The following MYRFL variants were observed in gnomAD, a reference collection of about 807,000 sequenced individuals.
MYRFL encodes myelin regulatory factor-like protein.
A neutral mutation model predicts 109.4 loss-of-function variants in MYRFL; 88 were observed. The observed-to-expected ratio is 0.80, with a 90% CI of 0.68 to 0.96. The LOEUF (loss-of-function observed/expected upper bound fraction) is 0.96, where lower values mean the gene tolerates loss of function less well. Ranked by LOEUF, MYRFL falls within the 40% of genes least tolerant of loss-of-function variation. The pLI, the probability that MYRFL is intolerant of heterozygous loss-of-function variation, is 0.00. For missense variants in MYRFL, 957 were observed against 954.9 expected (o/e 1.00, Z -0.03); for synonymous variants, 324 against 320.9 (o/e 1.01, Z -0.10).
chr12:69,854,296 C>T (rs1180547358), intron 1 of MYRFL, among the ~76,000 whole-genome samples: 1 of 151,682 alleles, frequency 6.6e-6, no homozygotes, highest in Non-Finnish European at 1.5e-5. Flanking sequence ...ATGGCGGCAG[C>T]ACAGTCCAGC....
intron 13 of MYRFL, among the ~76,000 whole-genome samples, chr12:69,925,270 G>C (rs568735071): frequency 1.3e-5 from 2 of 152,158 alleles, no homozygotes; most frequent in East Asian, 3.8e-4. Flanking sequence ...GATCTGTGTG[G>C]CTGCTCTGGG....
In MYRFL at chr12:69,843,031, GT is replaced by G. The variant is rs527889209; in HGVS notation, c.47-12248del. Among the ~76,000 whole-genome samples, 27 of 152,338 alleles carry G rather than the reference GT, an allele frequency of 1.8e-4. 1 individual carries two copies. The South Asian group carries it at 5.4e-3, about 30-fold the overall frequency. ...TGATTGGTAATATCTCTAAGAAAAT[GT>G]CATCCTTACTTCTCTAACTCTGGAC... On this transcript the variant is annotated intron_variant, in intron 1 of 24. Coordinates refer to ENST00000552032, the MANE Select transcript of MYRFL (RefSeq NM_182530.3).
chr12:69,873,788 T>C (rs1885495796), intron 2 of MYRFL, among the ~76,000 whole-genome samples: 1 of 152,184 alleles, frequency 6.6e-6, no homozygotes, highest in African/African-American at 2.4e-5. Context: ...AGTGAAACCA[T>C]GGATAAGGGA....
intron 5 of MYRFL, among the ~76,000 whole-genome samples, chr12:69,886,174 A>G (rs554853559): frequency 2.6e-5 from 4 of 152,326 alleles, no homozygotes; most frequent in Admixed American, 6.5e-5. Context: ...TAGGGGAACT[A>G]TTGGCTCCTG....
chr12:69,835,307 C>T (rs10879025), intron 1 of MYRFL, among the ~76,000 whole-genome samples: 21,491 of 152,218 alleles, frequency 0.14, 1,821 homozygotes, highest in Middle Eastern at 0.24. Flanking sequence ...AATTCTCTAC[C>T]TCCTTAAAAG....
In MYRFL at chr12:69,922,947, G is replaced by A. The variant is rs74101396; in HGVS notation, c.1603-3624G>A. On this transcript the variant is annotated intron_variant, in intron 13 of 24. Coordinates refer to ENST00000552032, the MANE Select transcript of MYRFL (RefSeq NM_182530.3). ...TTATTATCTGGAATACTTTTTAAAT[G>A]AACTTTCAAATATGTAGATGTTATA... 7.5e-3 allele frequency among the ~76,000 whole-genome samples: 1,135 copies of A among 152,194 alleles called. 8 individuals carry two copies. The highest frequency in any genetic ancestry group is 0.026 in the African/African-American group (1,070 of 41,526).
chr12:69,901,729 G>A (rs1954188558), intron 10 of MYRFL, among the ~76,000 whole-genome samples: 1 of 152,082 alleles, frequency 6.6e-6, no homozygotes, highest in African/African-American at 2.4e-5. Context: ...TTGAGTCAAA[G>A]CCAATTTGCC....
intron 19 of MYRFL, among the ~76,000 whole-genome samples, chr12:69,943,995 C>T (rs1413551448): frequency 2.0e-5 from 3 of 148,392 alleles, no homozygotes; most frequent in African/African-American, 5.0e-5. Flanking sequence ...TACCATCTCA[C>T]ACCAGTTAGA....
chr12:69,935,778 G>A (rs940823545), intron 16 of MYRFL, among the ~76,000 whole-genome samples: 1 of 152,194 alleles, frequency 6.6e-6, no homozygotes, highest in African/African-American at 2.4e-5. Context: ...AGGAGCAGTT[G>A]CCTCCAGCAA....
intron 13 of MYRFL, among the ~76,000 whole-genome samples, chr12:69,920,979 A>T (rs1398811513): frequency 6.6e-6 from 1 of 152,204 alleles, no homozygotes. Flanking sequence ...CTTTTGCTTC[A>T]CAATCTCATT....
At position 69,954,756 on chromosome 12, in the gene MYRFL, T is replaced by A. The variant is rs146563072; in HGVS notation, c.2376-607T>A. 5.8e-3 allele frequency among the ~76,000 whole-genome samples: 888 copies of A among 152,312 alleles called. 14 individuals carry two copies. The highest frequency in any genetic ancestry group is 0.02 in the African/African-American group (823 of 41,580). ...TATGTCTTTTTGCTGGAGTTTTTCGTTACAATACGAATCAAAGGAATTTCC... is the reference window on the plus strand; with the variant it reads ...TATGTCTTTTTGCTGGAGTTTTTCGATACAATACGAATCAAAGGAATTTCC... On this transcript the variant is annotated intron_variant, in intron 21 of 24. Coordinates refer to ENST00000552032, the MANE Select transcript of MYRFL (RefSeq NM_182530.3).
chr12:69,864,550 C>T (rs1406340093), intron 2 of MYRFL, among the ~76,000 whole-genome samples: 4 of 151,620 alleles, frequency 2.6e-5, no homozygotes, highest in Admixed American at 6.6e-5. Context: ...ATTTCTGGTA[C>T]CTGGCTCTTA....
intron 19 of MYRFL, among the ~76,000 whole-genome samples, chr12:69,945,193 A>AC (rs1260140864): frequency 6.6e-6 from 1 of 152,194 alleles, no homozygotes; most frequent in Non-Finnish European, 1.5e-5. Context: ...AGAAAATTTT[A>AC]AAAATAAATT....
chr12:69,827,371 C>T (rs1448916727), intron 1 of MYRFL, among the ~76,000 whole-genome samples: 1 of 151,646 alleles, frequency 6.6e-6, no homozygotes, highest in Non-Finnish European at 1.5e-5. Flanking sequence ...CCAAACGTGA[C>T]TAAATCTTCA....
chr12:69,900,229 A>C (rs558502812), intron 10 of MYRFL, among the ~76,000 whole-genome samples: 1 of 152,324 alleles, frequency 6.6e-6, no homozygotes, highest in South Asian at 2.1e-4. Context: ...AAGATGATAT[A>C]ATAATGCATA....
intron 19 of MYRFL, among the ~76,000 whole-genome samples, chr12:69,949,639 A>G (rs3847774): frequency 0.1 from 14,616 of 144,376 alleles, 983 homozygotes; most frequent in Middle Eastern, 0.2. Context: ...ACATTATGAG[A>G]TTTTTTTTTT....
At chr12:69,827,393 G>A (rs1882350489) in intron 1 of MYRFL, among the ~76,000 whole-genome samples, 1 of 151,644 alleles carries the variant, frequency 6.6e-6, no homozygotes, top group African/African-American at 2.4e-5. Flanking sequence ...GGTGTCTCAG[G>A]AAAATGACAA....
intron 11 of MYRFL, among the ~76,000 whole-genome samples, chr12:69,908,634 C>T (rs546039388): frequency 6.6e-6 from 1 of 152,326 alleles, no homozygotes; most frequent in Non-Finnish European, 1.5e-5. Context: ...TGTAATGATT[C>T]TCTGTGCATA....
intron 2 of MYRFL, among the ~76,000 whole-genome samples, chr12:69,870,182 C>G (rs1282570546): frequency 7.8e-6 from 1 of 127,770 alleles, no homozygotes; most frequent in Admixed American, 8.7e-5. Context: ...GATCTCGGCT[C>G]ACTGCAACCT....
Sources: allele counts gnomAD v4.1 joint callset (sites outside exome capture counted in the v4.1 genomes callset), GRCh38; gene constraint gnomAD v4.1.1; transcripts MANE v1.5; gene names NCBI Gene and HGNC (gene_info 2026-07-23, HGNC 2026-07-21).